Variants in G3BP1 observed in about 807,000 individuals in gnomAD.
G3BP1 encodes G3BP stress granule assembly factor 1, also known as ras GTPase-activating protein-binding protein 1.
In G3BP1, 35 loss-of-function variants were observed where a neutral mutation model predicts 58.6. The ratio of observed to expected loss-of-function variants is 0.60; its 90% CI spans 0.46 to 0.79. The LOEUF (loss-of-function observed/expected upper bound fraction) is 0.79, where lower values mean the gene tolerates loss of function less well. Among genes scored for constraint, G3BP1 ranks in the 30% least tolerant of loss-of-function variants. G3BP1 has a pLI of 0.00. For missense variants in G3BP1, 523 were observed against 580.8 expected, an observed-to-expected ratio of 0.90 and a Z score of 1.02; for synonymous variants, 191 against 195.4, an observed-to-expected ratio of 0.98 and a Z score of 0.19.
intron 6 of G3BP1, 79 bp downstream of exon 6, chr5:151,795,654 T>C: frequency 1.4e-6 from 1 of 693,424 alleles, no homozygotes; most frequent in Non-Finnish European, 2.6e-6. Flanking sequence ...GGAGGGCATT[T>C]ACATATTCTG....
Position 151,804,272 on chromosome 5 carries a change from A to G in G3BP1, c.*181A>G. On this transcript the variant is annotated 3_prime_UTR_variant, in exon 12 of 12. Coordinates refer to ENST00000356245, the MANE Select transcript of G3BP1 (RefSeq NM_005754.3). ...CCCTCTCCCTCTCTTCCCTTTCCTG[A>G]CCTTTAGTCTTTCACTTCCAATTTT... 1 of 408,000 alleles carries G rather than the reference A, an allele frequency of 2.5e-6. No homozygotes were observed. Among genetic ancestry groups the G allele is most frequent in the Admixed American group, 4.4e-5 (1 of 22,844 alleles). 25.3% of individuals were successfully genotyped at this position (408,000 alleles called of 1,614,324 possible).
intron 1 of G3BP1, among the ~76,000 whole-genome samples, chr5:151,786,328 A>G (rs1406861888): frequency 6.6e-6 from 1 of 152,184 alleles, no homozygotes; most frequent in Non-Finnish European, 1.5e-5. Flanking sequence ...TATGTTGGAA[A>G]TATATACCTT....
intron 1 of G3BP1, among the ~76,000 whole-genome samples, chr5:151,777,821 C>G (rs1444552126): frequency 1.3e-5 from 2 of 152,188 alleles, no homozygotes; most frequent in East Asian, 3.8e-4. Context: ...TTCCCTCTTT[C>G]TTGCTTGTTC....
Position 151,803,896 on chromosome 5 carries a change from C to A in G3BP1, c.1206C>A (p.Phe402Leu). Residue 402 changes from phenylalanine to leucine, a missense_variant, in exon 12 of 12, where the codon TTC (phenylalanine) becomes TTA (leucine). Phe to Leu is a conservative substitution (Grantham distance 22). Coordinates refer to ENST00000356245, the MANE Select transcript of G3BP1 (RefSeq NM_005754.3). ...QKVLSNRPIM[F>L]RGEVRLNVEE... ...CTTGATTCTTACAGCCCATCATGTT[C>A]AGAGGTGAGGTCCGTCTGAATGTCG... 1.9e-6 allele frequency: 3 copies of A among 1,612,014 alleles called. No homozygotes were observed. The highest frequency in any genetic ancestry group is 2.5e-6 in the Non-Finnish European group (3 of 1,178,314).
chr5:151,784,514 G>A (rs979325427), intron 1 of G3BP1, among the ~76,000 whole-genome samples: 4 of 152,138 alleles, frequency 2.6e-5, no homozygotes, highest in African/African-American at 9.7e-5. Context: ...CAGACATTAA[G>A]TTTTGGGGCT....
At chr5:151,801,306 A>G (rs1762844536) in intron 11 of G3BP1, among the ~76,000 whole-genome samples, 1 of 152,204 alleles carries the variant, frequency 6.6e-6, no homozygotes, top group African/African-American at 2.4e-5. Context: ...TGGATTTGGA[A>G]GATAAATTAT....
chr5:151,790,030 A>G (rs1184696640), intron 2 of G3BP1, among the ~76,000 whole-genome samples: 2 of 150,930 alleles, frequency 1.3e-5, no homozygotes, highest in Non-Finnish European at 2.9e-5. Flanking sequence ...ATAATCAGCC[A>G]GGCATGGTGG....
Position 151,804,183 on chromosome 5 carries a change from A to G in G3BP1, c.*92A>G. The G allele has an allele frequency of 1.1e-6, 1 of 900,334 alleles. No individual in the cohort carries two copies. Among genetic ancestry groups the G allele is most frequent in the South Asian group, 1.6e-5 (1 of 61,120 alleles). 55.8% of individuals were successfully genotyped at this position (900,334 alleles called of 1,614,324 possible). ...CTTTGGTATCTTGGAGTATGACCCC[A>G]GTCTGTTATAAACTGCTTAAGTTTG... On this transcript the variant is annotated 3_prime_UTR_variant, in exon 12 of 12. Coordinates refer to ENST00000356245, the MANE Select transcript of G3BP1 (RefSeq NM_005754.3).
chr5:151,776,505 C>A (rs1331065283), intron 1 of G3BP1, among the ~76,000 whole-genome samples: 1 of 151,928 alleles, frequency 6.6e-6, no homozygotes, highest in Non-Finnish European at 1.5e-5. Flanking sequence ...AAGTTCCCCT[C>A]CTTAATTTTA....
chr5:151,781,188 TTACAGAGTTAA>T (rs1762464449), intron 1 of G3BP1, among the ~76,000 whole-genome samples: 1 of 152,216 alleles, frequency 6.6e-6, no homozygotes, highest in Non-Finnish European at 1.5e-5. Flanking sequence ...TACAGATTTA[TTACAGAGTTAA>T]AATTTATCAA....
At chr5:151,779,746 T>G (rs1228129549) in intron 1 of G3BP1, among the ~76,000 whole-genome samples, 5 of 152,210 alleles carry the variant, frequency 3.3e-5, no homozygotes. Flanking sequence ...CTGACACTAT[T>G]AATAGTAGTT....
intron 4 of G3BP1, among the ~76,000 whole-genome samples, chr5:151,793,335 C>T (rs1762693632): frequency 6.6e-6 from 1 of 152,126 alleles, no homozygotes; most frequent in Non-Finnish European, 1.5e-5. Flanking sequence ...TCTTGAACTC[C>T]TGACCTTAGG....
intron 1 of G3BP1, among the ~76,000 whole-genome samples, chr5:151,774,943 A>G (rs1762341555): frequency 6.6e-6 from 1 of 152,182 alleles, no homozygotes; most frequent in Admixed American, 6.5e-5. Flanking sequence ...TTTTTAAAAA[A>G]GTATTCTTGG....
intron 1 of G3BP1, among the ~76,000 whole-genome samples, chr5:151,773,656 C>T (rs776333793): frequency 2.0e-5 from 3 of 152,096 alleles, no homozygotes; most frequent in Admixed American, 1.3e-4. Context: ...TCTGGAAACC[C>T]TTTCTATAAA....
intron 7 of G3BP1, among the ~76,000 whole-genome samples, chr5:151,798,114 A>G (rs1203568262): frequency 6.6e-6 from 1 of 152,220 alleles, no homozygotes; most frequent in Non-Finnish European, 1.5e-5. Flanking sequence ...TATTGGCAAA[A>G]CAGATAGGGG....
chr5:151,791,201 C>T (rs1762646629), intron 4 of G3BP1, 139 bp downstream of exon 4: 2 of 689,998 alleles, frequency 2.9e-6, no homozygotes, highest in South Asian at 1.7e-5. Context: ...CTCCTATATA[C>T]TCCTTACCTA....
Position 151,804,098 on chromosome 5 carries a change from A to C in G3BP1, c.*7A>C. ...GCTTGCGCCACGGCAGTGAATCTTC[A>C]TGGATCTTCATGCAGCCATACAAAC... On this transcript the variant is annotated 3_prime_UTR_variant, in exon 12 of 12. Transcript: ENST00000356245. 1 of 1,571,440 alleles carries C rather than the reference A, an allele frequency of 6.4e-7. No homozygotes were observed. The highest frequency in any genetic ancestry group is 8.7e-7 in the Non-Finnish European group (1 of 1,152,596).
At position 151,800,886 on chromosome 5, in the gene G3BP1, CTTGAT is replaced by C; in HGVS notation, c.1194+20_1194+24del. ...AGCAACAGGGTAAGCAGCTTTTTGT[CTTGAT>C]TTTTTTTTTTTTTTTTTAAAAAGGG... On this transcript the variant is annotated intron_variant, in intron 11 of 11. Transcript: ENST00000356245. The C allele has an allele frequency of 2.1e-5, 22 of 1,027,018 alleles. No homozygotes were observed. The highest frequency in any genetic ancestry group is 2.9e-5 in the Non-Finnish European group (21 of 712,104). 63.6% of individuals were successfully genotyped at this position (1,027,018 alleles called of 1,614,324 possible). A position where few individuals can be genotyped will look rare whatever the true frequency, so the allele number is the denominator to read the frequency against.
At position 151,790,326 on chromosome 5, in the gene G3BP1, T is replaced by C; in HGVS notation, c.99T>C (p.Phe33=). The C allele has an allele frequency of 6.5e-7, 1 of 1,528,216 alleles. No homozygotes were observed. The highest frequency in any genetic ancestry group is 8.9e-7 in the Non-Finnish European group (1 of 1,120,580). 94.7% of individuals were successfully genotyped at this position (1,528,216 alleles called of 1,614,324 possible). Residue 33 remains phenylalanine, a synonymous_variant, in exon 3 of 12, where the codon TTT becomes TTC. Transcript: ENST00000356245. ...LNQAPDMLHR[F]YGKNSSYVHG... is the part of the protein sequence containing the mutation. ...AAATCATCTTCCCATTTTACAGATT[T>C]TATGGAAAGAACTCTTCTTATGTCC...
Sources: gnomAD v4.1 joint callset for allele counts (sites outside exome capture counted in the v4.1 genomes callset) on GRCh38, gnomAD v4.1.1 for gene constraint, MANE v1.5 for transcripts, NCBI Gene and HGNC (gene_info 2026-07-23, HGNC 2026-07-21) for gene names.